OR52A5: variants seen among roughly 807,000 people sequenced by gnomAD.
OR52A5 encodes the protein olfactory receptor 52A5.
In OR52A5, 16 loss-of-function variants were observed where a neutral mutation model predicts 18.2. The observed-to-expected ratio is 0.88, with a 90% CI of 0.60 to 1.34. The LOEUF is 1.34. OR52A5 is among the 40% of genes most tolerant of loss of function. The pLI is 0.00. For missense variants in OR52A5, 418 were observed against 383.0 expected (o/e 1.09, Z -0.76); for synonymous variants, 140 against 137.2 (o/e 1.02, Z -0.14).
intron 1 of OR52A5, among the ~76,000 whole-genome samples, chr11:5,137,759 T>C (rs926794353): frequency 2.6e-5 from 4 of 152,226 alleles, no homozygotes; most frequent in African/African-American, 7.2e-5. Flanking sequence ...CTTGAGCCAG[T>C]TGTGAAATTC....
rs767929046 is a variant in OR52A5, at chr11:5,132,347, C to T, written c.296G>A (p.Cys99Tyr). The T allele has an allele frequency of 1.1e-5, 17 of 1,614,150 alleles. 1 individual carries two copies. The Admixed American group carries it at 1.2e-4, about 11-fold the overall frequency. The stretch of plus-strand genomic sequence containing the variant: ...GTGAATAAGCCACATTTGAAAAAGA[C>T]AGGCATCAAAAGAAATCTCTGGCAA... ...FHLPEISFDA[C>Y]LFQMWLIHSF... The change falls in exon 2 of 2, where the codon TGT (cysteine) becomes TAT (tyrosine). Residue 99 changes from cysteine to tyrosine, a missense_variant. By Grantham distance (194) the Cys-to-Tyr change is radical. Coordinates refer to ENST00000307388, the MANE Select transcript of OR52A5 (RefSeq NM_001005160.3).
In OR52A5 at chr11:5,130,777, T is replaced by G. The variant is rs1352223515; in HGVS notation, c.*915A>C. On this transcript the variant is annotated 3_prime_UTR_variant, in exon 2 of 2. Coordinates refer to ENST00000307388, the MANE Select transcript of OR52A5 (RefSeq NM_001005160.3). ...TGACCATGCATCTTTTCAAAATTAG[T>G]GATTCAGATGACTCTGTCAACTTGA... 30 of 152,128 alleles carry G rather than the reference T, an allele frequency of 2.0e-4. No homozygotes were observed. The highest frequency in any genetic ancestry group is 2.0e-3 in the Admixed American group (30 of 15,270). The allele number at this position is 152,128 out of a possible 1,614,324, so 9.4% of individuals were successfully genotyped here.
chr11:5,132,123 T>C lies in OR52A5; in HGVS notation c.520A>G (p.Thr174Ala), dbSNP rs1370098431. The change falls in exon 2 of 2, where the codon ACT (threonine) becomes GCT (alanine). Residue 174 changes from threonine (T) to alanine (A), a missense_variant. Physicochemically the swap from Thr to Ala is moderately conservative, Grantham distance 58 (BLOSUM62 0). Transcript: ENST00000307388. ...LIKCCLKHYR[T>A]TVISHSYCEH... ...CAGTAAGAGTGAGAGATGACTGTAG[T>C]TCGATAGTGTTTCAGACAGCATTTG... The C allele has an allele frequency of 1.9e-6, 3 of 1,613,952 alleles. No homozygotes were observed. The highest frequency in any genetic ancestry group is 1.3e-5 in the African/African-American group (1 of 74,892).
At chr11:5,138,268 A>G (rs886399966) in intron 1 of OR52A5, 43 bp downstream of exon 1, 1 of 152,142 alleles carries the variant, frequency 6.6e-6, no homozygotes, top group Non-Finnish European at 1.5e-5. Flanking sequence ...TGAATTCTTC[A>G]TTTTCCCAAA....
chr11:5,130,844 T>C lies in OR52A5; in HGVS notation c.*848A>G, dbSNP rs1267090629. On this transcript the variant is annotated 3_prime_UTR_variant, in exon 2 of 2. Transcript: ENST00000307388. ...AATTTGTTTGGTTCTAAGTCTTGAC[T>C]AAAGTCCTTATTCAGGAGGTGGTTT... The C allele has an allele frequency of 6.6e-6, 1 of 152,150 alleles. No homozygotes were observed. Among genetic ancestry groups the C allele is most frequent in the Non-Finnish European group, 1.5e-5 (1 of 67,974 alleles). 9.4% of individuals were successfully genotyped at this position (152,150 alleles called of 1,614,324 possible).
In OR52A5 at chr11:5,132,487, T is replaced by G; in HGVS notation, c.156A>C (p.Lys52Asn). The G allele has an allele frequency of 3.7e-6, 6 of 1,614,176 alleles. No homozygotes were observed. Among genetic ancestry groups the G allele is most frequent in the Non-Finnish European group, 4.2e-6 (5 of 1,180,028 alleles). ...IGNSLILVII[K>N]YENSLHIPMY... is the part of the protein sequence containing the mutation. ...TGGGTATATGGAGGCTGTTTTCATA[T>G]TTGATTATAACTAAAATTAGGGAAT... The change falls in exon 2 of 2, where the codon AAA becomes AAC. Residue 52 changes from lysine (K) to asparagine (N), a missense_variant. Transcript: ENST00000307388.
chr11:5,131,695 A>T lies in OR52A5; in HGVS notation c.948T>A (p.Thr316=), dbSNP rs369324484. The T allele has an allele frequency of 2.2e-5, 36 of 1,602,616 alleles. No homozygotes were observed. Among genetic ancestry groups the T allele is most frequent in the Non-Finnish European group, 2.9e-5 (34 of 1,171,164 alleles). ...TCTCTATAGGAGTCACTAACGATCA[A>T]GTTACTTTTTTGAAGAAAAACACTT... is the stretch of plus-strand genomic sequence containing the variant. ...IVKVFFFKKV[T] The change falls in exon 2 of 2, where the codon ACT becomes ACA. Residue 316 remains threonine, a synonymous_variant. Transcript: ENST00000307388.
chr11:5,136,493 T>G (rs1846393497), intron 1 of OR52A5, among the ~76,000 whole-genome samples: 1 of 152,192 alleles, frequency 6.6e-6, no homozygotes, highest in Admixed American at 6.5e-5. Context: ...AAAAAATGCC[T>G]TCAAGCATTG....
intron 1 of OR52A5, among the ~76,000 whole-genome samples, chr11:5,133,831 T>C (rs779383933): frequency 7.2e-5 from 11 of 152,176 alleles, no homozygotes; most frequent in Non-Finnish European, 1.2e-4. Flanking sequence ...TGAAATTACA[T>C]GAAACTCTCT....
chr11:5,135,324 T>C (rs1846381384), intron 1 of OR52A5, among the ~76,000 whole-genome samples: 1 of 152,200 alleles, frequency 6.6e-6, no homozygotes, highest in South Asian at 2.1e-4. Flanking sequence ...CCAATCACTT[T>C]AATTTATCAC....
At position 5,130,067 on chromosome 11, in the gene OR52A5, T is replaced by C. The variant is rs1234543284; in HGVS notation, c.*1625A>G. 1.3e-5 allele frequency: 2 copies of C among 152,120 alleles called. No individual in the cohort carries two copies. The highest frequency in any genetic ancestry group is 3.8e-4 in the East Asian group (2 of 5,196). 9.4% of individuals were successfully genotyped at this position (152,120 alleles called of 1,614,324 possible). On this transcript the variant is annotated 3_prime_UTR_variant, in exon 2 of 2. Coordinates refer to ENST00000307388, the MANE Select transcript of OR52A5 (RefSeq NM_001005160.3). ...GATCTTTGTTGTTTGTCTTCCCTCATACTCCAGAGAATGAAAAAAAAATAT... is the reference window on the plus strand; with the variant it reads ...GATCTTTGTTGTTTGTCTTCCCTCACACTCCAGAGAATGAAAAAAAAATAT...
chr11:5,134,649 G>C (rs1466665608), intron 1 of OR52A5, among the ~76,000 whole-genome samples: 1 of 151,254 alleles, frequency 6.6e-6, no homozygotes, highest in East Asian at 1.9e-4. Context: ...TATTAAATAT[G>C]TGTTAAATAT....
chr11:5,132,438 C>G lies in OR52A5; in HGVS notation c.205G>C (p.Ala69Pro), dbSNP rs1463532884. 1 of 1,614,058 alleles carries G rather than the reference C, an allele frequency of 6.2e-7. No homozygotes were observed. The highest frequency in any genetic ancestry group is 2.2e-5 in the East Asian group (1 of 44,884). Residue 69 changes from alanine (A) to proline (P), a missense_variant, in exon 2 of 2, where the codon GCA becomes CCA. Ala to Pro is a conservative substitution (Grantham distance 27). Coordinates refer to ENST00000307388, the MANE Select transcript of OR52A5 (RefSeq NM_001005160.3). ...GTGTTAAGTGCAATGTCTGTGGCTG[C>G]CAACATGGCCAAAAAAATGTACATG... ...IPMYIFLAML[A>P]ATDIALNTCI...
intron 1 of OR52A5, among the ~76,000 whole-genome samples, chr11:5,134,176 T>G (rs919264256): frequency 1.3e-5 from 2 of 152,190 alleles, no homozygotes; most frequent in Non-Finnish European, 2.9e-5. Flanking sequence ...TGTGAAATAT[T>G]AAATAATTTA....
Position 5,131,701 on chromosome 11 carries a change from T to C in OR52A5, c.942A>G (p.Lys314=). ...DHIVKVFFFK[K]VT Reference sequence around the variant, plus strand: ...TAGGAGTCACTAACGATCAAGTTACTTTTTTGAAGAAAAACACTTTCACAA... The same window carrying C: ...TAGGAGTCACTAACGATCAAGTTACCTTTTTGAAGAAAAACACTTTCACAA... Residue 314 remains lysine, a synonymous_variant, in exon 2 of 2, where the codon AAA becomes AAG. Coordinates refer to ENST00000307388, the MANE Select transcript of OR52A5 (RefSeq NM_001005160.3). 6.2e-7 allele frequency: 1 copy of C among 1,609,392 alleles called. No homozygotes were observed. Among genetic ancestry groups the C allele is most frequent in the Non-Finnish European group, 8.5e-7 (1 of 1,176,776 alleles).
Position 5,132,444 on chromosome 11 carries a change from T to C in OR52A5, c.199A>G (p.Met67Val), listed in dbSNP as rs375557887. The C allele has an allele frequency of 5.6e-6, 9 of 1,614,008 alleles. No homozygotes were observed. The African/African-American group carries it at 8.0e-5, about 14-fold the overall frequency. ...LHIPMYIFLA[M>V]LAATDIALNT... Reference sequence around the variant, plus strand: ...AGTGCAATGTCTGTGGCTGCCAACATGGCCAAAAAAATGTACATGGGTATA... The same window carrying C: ...AGTGCAATGTCTGTGGCTGCCAACACGGCCAAAAAAATGTACATGGGTATA... Residue 67 changes from methionine to valine, a missense_variant, in exon 2 of 2, where the codon ATG becomes GTG. Met to Val is a conservative substitution (Grantham distance 21). Coordinates refer to ENST00000307388, the MANE Select transcript of OR52A5 (RefSeq NM_001005160.3).
At position 5,131,736 on chromosome 11, in the gene OR52A5, G is replaced by A. The variant is rs74051330; in HGVS notation, c.907C>T (p.Arg303Cys). ...IVYGVKTKQI[R>C]DHIVKVFFFK... ...AAAAACACTTTCACAATATGGTCAC[G>A]AATTTGCTTGGTCTTCACTCCATAG... Residue 303 changes from arginine to cysteine, a missense_variant, in exon 2 of 2, where the codon CGT becomes TGT. Transcript: ENST00000307388. 1.1e-3 allele frequency: 1,735 copies of A among 1,613,744 alleles called. 17 individuals carry two copies. The African/African-American group carries it at 0.02, about 19-fold the overall frequency.
rs772220672 is a variant in OR52A5 at position 5,132,532 on chromosome 11, A to G, written c.111T>C (p.Tyr37=). ...CWIGIPFSAM[Y]LIGVIGNSLI... ...GGGAATTTCCAATCACACCAATAAG[A>G]TACATGGCAGAGAAAGGAATCCCAA... Residue 37 remains tyrosine (Y), a synonymous_variant, in exon 2 of 2, where the codon TAT becomes TAC. Transcript: ENST00000307388. 6.8e-6 allele frequency: 11 copies of G among 1,613,928 alleles called. No individual in the cohort carries two copies. The highest frequency in any genetic ancestry group is 9.3e-6 in the Non-Finnish European group (11 of 1,179,854).
chr11:5,136,814 T>C (rs1360799920), intron 1 of OR52A5, among the ~76,000 whole-genome samples: 1 of 152,216 alleles, frequency 6.6e-6, no homozygotes, highest in African/African-American at 2.4e-5. Context: ...AATTCATTCA[T>C]AAACAGAAAT....
Sources: allele counts gnomAD v4.1 joint callset (sites outside exome capture counted in the v4.1 genomes callset), GRCh38; gene constraint gnomAD v4.1.1; transcripts MANE v1.5; gene names NCBI Gene and HGNC (gene_info 2026-07-23, HGNC 2026-07-21).